The following DIP2C variants were observed in gnomAD, a reference collection of about 807,000 sequenced individuals.
DIP2C encodes DIP2 acetate--CoA ligase C (putative).
DIP2C carries 33 observed loss-of-function variants against 192.4 expected under a neutral mutation model. That is an observed-to-expected ratio of 0.17 (90% CI 0.13 to 0.23). The LOEUF is 0.23. Ranked by LOEUF, DIP2C falls within the 10% of genes least tolerant of loss-of-function variation. The pLI is 1.00. For synonymous variants in DIP2C, 979 were observed against 864.1 expected (o/e 1.13, Z -2.33); for missense variants, 1,537 against 2,110.1 (o/e 0.73, Z 5.32).
intron 1 of DIP2C, among the ~76,000 whole-genome samples, chr10:537,507 G>A (rs1486383446): frequency 1.3e-5 from 2 of 152,110 alleles, no homozygotes; most frequent in African/African-American, 4.8e-5. Context: ...ACTACGACCT[G>A]GCTCCAGCAT....
At chr10:398,489 T>C (rs959076794) in intron 10 of DIP2C, among the ~76,000 whole-genome samples, 2 of 152,146 alleles carry the variant, frequency 1.3e-5, no homozygotes, top group African/African-American at 2.4e-5. Flanking sequence ...GTCTCATGTG[T>C]CCCTAAAATG....
intron 1 of DIP2C, among the ~76,000 whole-genome samples, chr10:493,757 G>T (rs879835736): frequency 6.6e-6 from 1 of 152,190 alleles, no homozygotes; most frequent in East Asian, 1.9e-4. Context: ...CAAAGTCGGG[G>T]TCTTACTGCC....
intron 1 of DIP2C, among the ~76,000 whole-genome samples, chr10:593,681 G>A (rs1475532746): frequency 1.3e-5 from 2 of 152,100 alleles, no homozygotes; most frequent in African/African-American, 4.8e-5. Flanking sequence ...CAGATGCTCT[G>A]CACACGGCCT....
intron 1 of DIP2C, among the ~76,000 whole-genome samples, chr10:633,817 G>C (rs1252138116): frequency 6.6e-6 from 1 of 152,236 alleles, no homozygotes; most frequent in Non-Finnish European, 1.5e-5. Flanking sequence ...TAGGTACGCG[G>C]TGGGGTGACC....
intron 1 of DIP2C, among the ~76,000 whole-genome samples, chr10:599,067 T>C (rs1472500522): frequency 6.6e-6 from 1 of 152,058 alleles, no homozygotes; most frequent in South Asian, 2.1e-4. Context: ...AAGGAGTCAG[T>C]CCCTCACAAA....
intron 32 of DIP2C, among the ~76,000 whole-genome samples, chr10:307,634 A>G (rs1374185859): frequency 6.6e-6 from 1 of 152,188 alleles, no homozygotes; most frequent in Non-Finnish European, 1.5e-5. Flanking sequence ...GGAGGGGACC[A>G]CAGACAGACC....
At chr10:419,255 T>C (rs1395524169) in intron 5 of DIP2C, 56 bp from the exon 6 acceptor site, 2 of 1,610,494 alleles carry the variant, frequency 1.2e-6, no homozygotes, top group Non-Finnish European at 1.7e-6. Flanking sequence ...GCTCTGAAGG[T>C]GGAACAAGCC....
At chr10:433,153 T>G (rs1210231372) in intron 4 of DIP2C, among the ~76,000 whole-genome samples, 1 of 152,260 alleles carries the variant, frequency 6.6e-6, no homozygotes, top group Non-Finnish European at 1.5e-5. Context: ...TTACTGATTT[T>G]CTGGCTACTG....
intron 1 of DIP2C, among the ~76,000 whole-genome samples, chr10:672,143 G>A (rs552834350): frequency 2.0e-5 from 3 of 151,186 alleles, no homozygotes; most frequent in East Asian, 2.0e-4. Flanking sequence ...ACACATGGAC[G>A]GAGGAAACAG....
rs1012612546 is a variant in DIP2C at position 283,182 on chromosome 10, G to T, written c.4294+90C>A. ...CACACGTGCCCTCCTGGCTTTGGCTGCTGTAAACCTTGGGAAAGGCTTCTG... is the reference window on the plus strand; with the variant it reads ...CACACGTGCCCTCCTGGCTTTGGCTTCTGTAAACCTTGGGAAAGGCTTCTG... On this transcript the variant is annotated intron_variant, in intron 35 of 36. Transcript: ENST00000280886. 5 of 1,507,720 alleles carry T rather than the reference G, an allele frequency of 3.3e-6. No individual in the cohort carries two copies. The African/African-American group carries it at 6.9e-5, about 21-fold the overall frequency. The allele number at this position is 1,507,720 out of a possible 1,614,324, so 93.4% of individuals were successfully genotyped here.
chr10:615,812 C>T (rs1432843769), intron 1 of DIP2C, among the ~76,000 whole-genome samples: 2 of 152,274 alleles, frequency 1.3e-5, no homozygotes, highest in East Asian at 3.9e-4. Context: ...CTCCTCCAAA[C>T]AGACATTGCG....
chr10:470,451 C>T (rs774057142), intron 3 of DIP2C, among the ~76,000 whole-genome samples: 7 of 152,208 alleles, frequency 4.6e-5, no homozygotes, highest in Non-Finnish European at 1.0e-4. Context: ...CCACACCTTC[C>T]TGCCTTTGAA....
chr10:510,732 C>T (rs1031770842), intron 1 of DIP2C, among the ~76,000 whole-genome samples: 1 of 152,258 alleles, frequency 6.6e-6, no homozygotes, highest in Non-Finnish European at 1.5e-5. Context: ...GTGACGTTAA[C>T]AGCAGCCTGC....
chr10:345,455 T>A (rs914692398), intron 26 of DIP2C, among the ~76,000 whole-genome samples: 2 of 150,630 alleles, frequency 1.3e-5, no homozygotes, highest in Admixed American at 1.3e-4. Context: ...CGCACAGTTC[T>A]CCCGGAAACG....
At chr10:328,873 T>C (rs1407647151) in intron 30 of DIP2C, among the ~76,000 whole-genome samples, 1 of 152,184 alleles carries the variant, frequency 6.6e-6, no homozygotes, top group Non-Finnish European at 1.5e-5. Context: ...ACTACTTAAT[T>C]TACCATGAAG....
At chr10:387,677 G>A (rs960993415) in intron 14 of DIP2C, 68 bp downstream of exon 14, 5 of 1,425,478 alleles carry the variant, frequency 3.5e-6, no homozygotes, top group Non-Finnish European at 5.0e-6. Flanking sequence ...GGGGACTCCT[G>A]TGTGGACAGG....
intron 5 of DIP2C, among the ~76,000 whole-genome samples, chr10:421,741 G>T (rs116472662): frequency 0.016 from 2,498 of 152,200 alleles, 79 homozygotes; most frequent in African/African-American, 0.056. Flanking sequence ...AAAAGAAATG[G>T]TTTTTTTCAT....
At position 344,399 on chromosome 10, in the gene DIP2C, C is replaced by T. The variant is rs1441226088; in HGVS notation, c.3453+410G>A. Reference sequence around the variant, plus strand: ...CCCCAAGGGTGGGGCGGGGGCGGGGCGGGGGGGGGTTTGCACGGCACCTCG... The same window carrying T: ...CCCCAAGGGTGGGGCGGGGGCGGGGTGGGGGGGGGTTTGCACGGCACCTCG... On this transcript the variant is annotated intron_variant, in intron 28 of 36. Coordinates refer to ENST00000280886, the MANE Select transcript of DIP2C (RefSeq NM_014974.3). Among the ~76,000 whole-genome samples the T allele has an allele frequency of 5.9e-5, 7 of 118,382 alleles. No homozygotes were observed. The East Asian group carries it at 1.7e-3, about 29-fold the overall frequency. 77.7% of individuals were successfully genotyped at this position (118,382 alleles called of 152,430 possible).
chr10:597,799 G>A (rs1392147967), intron 1 of DIP2C, among the ~76,000 whole-genome samples: 1 of 152,110 alleles, frequency 6.6e-6, no homozygotes, highest in Non-Finnish European at 1.5e-5. Context: ...GCCACAGCTG[G>A]GGCCACACGA....
Sources: allele counts gnomAD v4.1 joint callset (sites outside exome capture counted in the v4.1 genomes callset), GRCh38; gene constraint gnomAD v4.1.1; transcripts MANE v1.5; gene names NCBI Gene and HGNC (gene_info 2026-07-23, HGNC 2026-07-21).